The following SPG11 variants were observed in gnomAD, a reference collection of about 807,000 sequenced individuals.
SPG11 encodes SPG11 vesicle trafficking associated, spatacsin, also known as spatacsin.
In SPG11, 222 loss-of-function variants were observed where a neutral mutation model predicts 274.0. The observed-to-expected ratio is 0.81, with a 90% CI of 0.73 to 0.91. The LOEUF (loss-of-function observed/expected upper bound fraction) is 0.91, where lower values mean the gene tolerates loss of function less well. Among genes scored for constraint, SPG11 ranks in the 40% least tolerant of loss-of-function variants. SPG11 has a pLI of 0.00. For synonymous variants in SPG11, 1,144 were observed against 1,039.7 expected (o/e 1.10, Z -1.93); for missense variants, 3,114 against 2,872.7 (o/e 1.08, Z -1.92).
intron 21 of SPG11, among the ~76,000 whole-genome samples, chr15:44,599,765 T>C (rs890481529): frequency 2.0e-5 from 3 of 152,240 alleles, no homozygotes; most frequent in South Asian, 2.1e-4. Flanking sequence ...CTGTTCATTA[T>C]AGTAAATGCT....
chr15:44,573,280 C>A (rs986117817), intron 32 of SPG11: 5 of 601,482 alleles, frequency 8.3e-6, no homozygotes, highest in Admixed American at 2.9e-5. Context: ...CCACCGCGCC[C>A]GGCCAGGACA....
intron 11 of SPG11, 79 bp from the exon 12 acceptor site, chr15:44,622,878 G>GA: frequency 1.0e-6 from 1 of 972,060 alleles, no homozygotes; most frequent in Non-Finnish European, 1.7e-6. Flanking sequence ...GTTAGATACA[G>GA]AAACACCCTA....
chr15:44,610,846 G>T lies in SPG11; in HGVS notation c.3285C>A (p.Val1095=). 1 of 1,613,850 alleles carries T rather than the reference G, an allele frequency of 6.2e-7. No individual in the cohort carries two copies. The highest frequency in any genetic ancestry group is 2.2e-5 in the East Asian group (1 of 44,874). The part of the protein sequence containing the change: ...LATTMYSPGG[V]SQVVQNEENE... ...CATAAAGTGCTATCCATACCTGACTGACACCCCCAGGAGAATACATTGTAG... is the reference window on the plus strand; with the variant it reads ...CATAAAGTGCTATCCATACCTGACTTACACCCCCAGGAGAATACATTGTAG... Residue 1095 remains valine (V), a synonymous_variant, in exon 18 of 40, where the codon GTC becomes GTA. Coordinates refer to ENST00000261866, the MANE Select transcript of SPG11 (RefSeq NM_025137.4).
chr15:44,594,154 G>A (rs545924734), intron 26 of SPG11, among the ~76,000 whole-genome samples: 6 of 151,676 alleles, frequency 4.0e-5, no homozygotes, highest in South Asian at 4.2e-4. Flanking sequence ...GGCTTGGAGC[G>A]GTGGCTCACG....
At chr15:44,621,475 C>A (rs2141027143) in intron 14 of SPG11, 2 of 404,224 alleles carry the variant, frequency 4.9e-6, no homozygotes, top group African/African-American at 4.1e-5. Flanking sequence ...ACACAAGAAG[C>A]TCAAGACTAT....
At chr15:44,615,607 A>G (rs1271454316) in intron 15 of SPG11, 41 bp from the exon 16 acceptor site, 1 of 1,586,672 alleles carries the variant, frequency 6.3e-7, no homozygotes, top group Non-Finnish European at 8.6e-7. Context: ...AAAAGTTGCT[A>G]TGTTCAGAGT....
chr15:44,576,418 G>A (rs2082539317), intron 30 of SPG11, among the ~76,000 whole-genome samples: 1 of 151,800 alleles, frequency 6.6e-6, no homozygotes, highest in Admixed American at 6.6e-5. Context: ...GGAGGCTGAG[G>A]TGGGCGGATC....
intron 32 of SPG11, 95 bp downstream of exon 32, chr15:44,573,452 A>G: frequency 1.5e-6 from 2 of 1,326,446 alleles, no homozygotes; most frequent in Non-Finnish European, 2.2e-6. Flanking sequence ...AGAGAACCAC[A>G]TACAGGATGT....
At chr15:44,643,136 T>G (rs2084503421) in intron 7 of SPG11, among the ~76,000 whole-genome samples, 1 of 152,184 alleles carries the variant, frequency 6.6e-6, no homozygotes, top group Non-Finnish European at 1.5e-5. Context: ...CACAGAGACA[T>G]GTGCACTGTT....
At chr15:44,575,180 A>G in intron 30 of SPG11, 139 bp from the exon 31 acceptor site, 1 of 1,020,368 alleles carries the variant, frequency 9.8e-7, no homozygotes, top group Non-Finnish European at 1.4e-6. Context: ...ACCACTGCTG[A>G]CAGGGCCCCA....
chr15:44,641,400 G>C (rs2084434251), intron 7 of SPG11, among the ~76,000 whole-genome samples: 1 of 151,916 alleles, frequency 6.6e-6, no homozygotes, highest in South Asian at 2.1e-4. Flanking sequence ...CTATATTAAA[G>C]ATTCCACGAA....
At chr15:44,620,106 T>G in intron 15 of SPG11, 84 bp downstream of exon 15, 1 of 1,092,798 alleles carries the variant, frequency 9.2e-7, no homozygotes, top group Non-Finnish European at 1.4e-6. Flanking sequence ...TTTATGGCAT[T>G]TCAAAGGAAA....
chr15:44,595,436 G>A lies in SPG11; in HGVS notation c.4458C>T (p.Leu1486=). The A allele has an allele frequency of 6.2e-7, 1 of 1,614,182 alleles. No individual in the cohort carries two copies. Residue 1486 remains leucine, a synonymous_variant, in exon 26 of 40, where the codon CTC becomes CTT. Coordinates refer to ENST00000261866, the MANE Select transcript of SPG11 (RefSeq NM_025137.4). ...CLQGASAISC[L]CVWIITSVED... ...CCACAGAAGTGATGATCCAAACACA[G>A]AGACAAGAAATGGCACTGGCACCCT... is the stretch of plus-strand genomic sequence containing the variant.
At position 44,595,254 on chromosome 15, in the gene SPG11, A is replaced by C; in HGVS notation, c.4635+5T>G. On this transcript the variant is annotated splice_donor_5th_base_variant and intron_variant, in intron 26 of 39. Coordinates refer to ENST00000261866, the MANE Select transcript of SPG11 (RefSeq NM_025137.4). ...TCTGGAAAGAAGTGAAGCAACTATC[A>C]CTACCTTAAAGAAAAGCTGGAAACC... 6.2e-7 allele frequency: 1 copy of C among 1,613,818 alleles called. No homozygotes were observed. Among genetic ancestry groups the C allele is most frequent in the Non-Finnish European group, 8.5e-7 (1 of 1,179,666 alleles).
intron 15 of SPG11, among the ~76,000 whole-genome samples, chr15:44,619,496 TCAGC>T (rs1372938778): frequency 1.3e-5 from 2 of 152,180 alleles, no homozygotes; most frequent in Admixed American, 1.3e-4. Context: ...ATTTCTTAAT[TCAGC>T]AGTTCTCTTA....
chr15:44,661,441 CAGA>C (rs1182800833), intron 1 of SPG11, among the ~76,000 whole-genome samples: 3 of 152,174 alleles, frequency 2.0e-5, no homozygotes, highest in Admixed American at 1.3e-4. Flanking sequence ...CTTGCTTCTA[CAGA>C]AGTAGTGTTT....
rs201516811 is a variant in SPG11 at position 44,642,697 on chromosome 15, C to CA, written c.1602+6168dup. On this transcript the variant is annotated intron_variant, in intron 7 of 39. Transcript: ENST00000261866. ...GAAACAAAGCAAGATTCCACCTCTA[C>CA]AAAAAAAAAAAAAATAATAAAAATT... Among the ~76,000 whole-genome samples the CA allele has an allele frequency of 9.5e-3, 1,091 of 115,192 alleles. 24 individuals carry two copies. In the East Asian group the frequency reaches 0.1, roughly 11 times the overall value. The allele number at this position is 115,192 out of a possible 152,430, so 75.6% of individuals were successfully genotyped here.
At position 44,587,711 on chromosome 15, in the gene SPG11, A is replaced by C. The variant is rs532878411; in HGVS notation, c.4906+1541T>G. 3.7e-3 allele frequency among the ~76,000 whole-genome samples: 548 copies of C among 149,220 alleles called. 13 individuals are homozygous for C. The highest frequency in any genetic ancestry group is 0.013 in the African/African-American group (506 of 39,248). On this transcript the variant is annotated intron_variant, in intron 28 of 39. Coordinates refer to ENST00000261866, the MANE Select transcript of SPG11 (RefSeq NM_025137.4). ...ACTGTCTCAAAAAAAAAAAAAAAAA[A>C]AAAAAAAAACGTATTCCTGTTCTCT...
chr15:44,599,245 C>T (rs758583208), intron 21 of SPG11, among the ~76,000 whole-genome samples: 1 of 151,906 alleles, frequency 6.6e-6, no homozygotes, highest in Non-Finnish European at 1.5e-5. Context: ...CTCATATAGG[C>T]CTTTTATAGG....
Sources: allele counts gnomAD v4.1 joint callset (sites outside exome capture counted in the v4.1 genomes callset), GRCh38; gene constraint gnomAD v4.1.1; transcripts MANE v1.5; gene names NCBI Gene and HGNC (gene_info 2026-07-23, HGNC 2026-07-21).